Variants in LANCL1 observed in about 807,000 individuals in gnomAD.
LANCL1 encodes the protein LanC like glutathione S-transferase 1, also known as glutathione S-transferase LANCL1.
A neutral mutation model predicts 50.6 loss-of-function variants in LANCL1; 50 were observed. The ratio of observed to expected loss-of-function variants is 0.99; its 90% CI spans 0.79 to 1.25. The LOEUF (loss-of-function observed/expected upper bound fraction) is 1.25. Among genes scored for constraint, LANCL1 ranks in the 50% most tolerant of loss-of-function variants. The pLI, the probability that LANCL1 is intolerant of heterozygous loss-of-function variation, is 0.00. For missense variants in LANCL1, 532 were observed against 480.7 expected (o/e 1.11, Z -1.00); for synonymous variants, 188 against 178.6 (o/e 1.05, Z -0.42).
At position 210,472,043 on chromosome 2, in the gene LANCL1, T is replaced by C; in HGVS notation, c.115A>G (p.Lys39Glu). The C allele has an allele frequency of 1.2e-6, 2 of 1,614,160 alleles. No individual in the cohort carries two copies. Among genetic ancestry groups the C allele is most frequent in the African/African-American group, 1.3e-5 (1 of 75,050 alleles). Residue 39 changes from lysine to glutamate, a missense_variant, in exon 3 of 10, where the codon AAG becomes GAG. Lys to Glu is a moderately conservative substitution (Grantham distance 56). Coordinates refer to ENST00000450366, the MANE Select transcript of LANCL1 (RefSeq NM_006055.3). ...ATTTGCTGAAGAAGCTCCCGAATCT[T>C]ATTGGTCAAGCGTTGTGAGAACTCA... is the stretch of plus-strand genomic sequence containing the variant. ...TPEFSQRLTN[K>E]IRELLQQMER...
intron 3 of LANCL1, among the ~76,000 whole-genome samples, chr2:210,467,651 T>C (rs916707748): frequency 2.6e-5 from 4 of 152,218 alleles, no homozygotes; most frequent in South Asian, 2.1e-4. Context: ...TAGTTAAGTT[T>C]TGGGGGAGAC....
intron 3 of LANCL1, among the ~76,000 whole-genome samples, chr2:210,456,496 T>C (rs1305400325): frequency 6.6e-6 from 1 of 152,104 alleles, no homozygotes; most frequent in Non-Finnish European, 1.5e-5. Context: ...AGTGGCTTGG[T>C]GTTAGTAATC....
At chr2:210,447,781 G>T (rs992383309) in intron 4 of LANCL1, among the ~76,000 whole-genome samples, 11 of 152,064 alleles carry the variant, frequency 7.2e-5, no homozygotes, top group African/African-American at 2.4e-4. Context: ...AATGGTAAAG[G>T]GATCAATGCA....
intron 4 of LANCL1, among the ~76,000 whole-genome samples, chr2:210,448,004 C>T (rs1196435242): frequency 2.0e-5 from 3 of 152,106 alleles, no homozygotes; most frequent in African/African-American, 7.2e-5. Context: ...ACCAAGCAGA[C>T]CTAATAGACA....
chr2:210,438,112 T>C, intron 6 of LANCL1, among the ~76,000 whole-genome samples: 1 of 151,922 alleles, frequency 6.6e-6, no homozygotes, highest in Non-Finnish European at 1.5e-5. Context: ...TTAGGGCCTT[T>C]TGTATATATG....
chr2:210,469,969 A>ATTT (rs3832125), intron 3 of LANCL1, among the ~76,000 whole-genome samples: 114 of 148,260 alleles, frequency 7.7e-4, no homozygotes, highest in East Asian at 1.2e-3. Flanking sequence ...TTAACTAGTG[A>ATTT]TTTTTTTTTT....
intron 3 of LANCL1, among the ~76,000 whole-genome samples, chr2:210,470,014 T>C (rs1190864887): frequency 6.6e-6 from 1 of 151,680 alleles, no homozygotes; most frequent in Non-Finnish European, 1.5e-5. Context: ...AAACTCCATA[T>C]ATATTAGAAA....
At chr2:210,473,318 T>C (rs758336631) in intron 2 of LANCL1, among the ~76,000 whole-genome samples, 2 of 152,164 alleles carry the variant, frequency 1.3e-5, no homozygotes, top group African/African-American at 2.4e-5. Flanking sequence ...GAGGTTGTGG[T>C]GAGCCGAGAT....
At chr2:210,456,445 T>C (rs992563832) in intron 3 of LANCL1, among the ~76,000 whole-genome samples, 1 of 152,162 alleles carries the variant, frequency 6.6e-6, no homozygotes, top group African/African-American at 2.4e-5. Flanking sequence ...GGCCAAATTT[T>C]CATTTCCTGC....
At chr2:210,436,911 C>T (rs1453483799) in intron 7 of LANCL1, among the ~76,000 whole-genome samples, 1 of 152,134 alleles carries the variant, frequency 6.6e-6, no homozygotes, top group Non-Finnish European at 1.5e-5. Flanking sequence ...CTCATTGCAA[C>T]CTAAGTGTTC....
At chr2:210,462,660 A>G (rs1187098403) in intron 3 of LANCL1, among the ~76,000 whole-genome samples, 2 of 152,228 alleles carry the variant, frequency 1.3e-5, no homozygotes, top group Non-Finnish European at 2.9e-5. Context: ...CAAGATTAGG[A>G]AGGGGAAAAA....
intron 2 of LANCL1, among the ~76,000 whole-genome samples, chr2:210,475,460 T>C (rs1694329854): frequency 6.6e-6 from 1 of 152,150 alleles, no homozygotes. Context: ...GCCTCCCAAG[T>C]AGCTGGGACT....
chr2:210,471,951 C>A lies in LANCL1; in HGVS notation c.199+8G>T. The A allele has an allele frequency of 6.3e-7, 1 of 1,596,210 alleles. No homozygotes were observed. Among genetic ancestry groups the A allele is most frequent in the South Asian group, 1.1e-5 (1 of 90,770 alleles). On this transcript the variant is annotated splice_region_variant and intron_variant, in intron 3 of 9. Transcript: ENST00000450366. ...TGCTTATGCCAGCTCACAGTCAGCA[C>A]TTCATACCTGCCCAGCCAGTGTAAC...
intron 4 of LANCL1, among the ~76,000 whole-genome samples, chr2:210,449,337 T>C (rs936189849): frequency 1.3e-5 from 2 of 152,310 alleles, no homozygotes; most frequent in East Asian, 1.9e-4. Context: ...AAACTAGGTA[T>C]TGATGGAATG....
At chr2:210,461,606 C>T (rs532144033) in intron 3 of LANCL1, among the ~76,000 whole-genome samples, 1 of 152,258 alleles carries the variant, frequency 6.6e-6, no homozygotes, top group South Asian at 2.1e-4. Context: ...AGGGATTATG[C>T]TACATATCCT....
At chr2:210,458,673 C>T (rs725379) in intron 3 of LANCL1, among the ~76,000 whole-genome samples, 95,966 of 151,994 alleles carry the variant, frequency 0.63, 31,151 homozygotes, top group East Asian at 0.82. Flanking sequence ...CGATGACTAA[C>T]TTCAACAGCT....
intron 6 of LANCL1, 71 bp from the exon 7 acceptor site, chr2:210,437,943 C>T (rs1378466324): frequency 2.0e-5 from 23 of 1,134,260 alleles, no homozygotes; most frequent in Non-Finnish European, 2.7e-5. Context: ...TATATTTAAA[C>T]CAGAAAAAAA....
intron 3 of LANCL1, among the ~76,000 whole-genome samples, chr2:210,456,918 C>A (rs946837482): frequency 6.6e-6 from 1 of 152,182 alleles, no homozygotes; most frequent in African/African-American, 2.4e-5. Flanking sequence ...TTAAGGCTTG[C>A]AATTGTAAGA....
rs760770026 is a variant in LANCL1, at chr2:210,471,979, G to C, written c.179C>G (p.Thr60Ser). 2.5e-6 allele frequency: 4 copies of C among 1,613,248 alleles called. No individual in the cohort carries two copies. The African/African-American group carries it at 5.3e-5, about 22-fold the overall frequency. The change falls in exon 3 of 10, where the codon ACC (threonine) becomes AGC (serine). Residue 60 changes from threonine to serine, a missense_variant. Transcript: ENST00000450366. ...CATACCTGCCCAGCCAGTGTAACCG[G>C]TGCCATCCCGAGGGTCTGCTGATTT... is the stretch of plus-strand genomic sequence containing the variant. ...GLKSADPRDG[T>S]GYTGWAGIAV...
Sources: allele counts gnomAD v4.1 joint callset (sites outside exome capture counted in the v4.1 genomes callset), GRCh38; gene constraint gnomAD v4.1.1; transcripts MANE v1.5; gene names NCBI Gene and HGNC (gene_info 2026-07-23, HGNC 2026-07-21).